MYOM3: variants seen among roughly 807,000 people sequenced by gnomAD.
MYOM3 encodes myomesin-3.
A neutral mutation model predicts 191.7 loss-of-function variants in MYOM3; 155 were observed. The observed-to-expected ratio is 0.81, with a 90% confidence interval of 0.71 to 0.92. The LOEUF (loss-of-function observed/expected upper bound fraction) is 0.92, where lower values mean the gene tolerates loss of function less well. MYOM3 is among the 40% of genes least tolerant of loss of function. The probability of loss-of-function intolerance (pLI) is 0.00; values close to 1 mark genes in which losing one functional copy is unlikely to be tolerated. For synonymous variants in MYOM3, 757 were observed against 762.9 expected, an observed-to-expected ratio of 0.99 and a Z score of 0.13; for missense variants, 1,889 against 1,890.6, an observed-to-expected ratio of 1.00 and a Z score of 0.02.
chr1:24,072,316 C>T (rs531096628), intron 23 of MYOM3, among the ~76,000 whole-genome samples: 15 of 152,294 alleles, frequency 9.8e-5, no homozygotes, highest in African/African-American at 3.1e-4. Context: ...GTGCCTGGTT[C>T]TGCATATACT....
At chr1:24,060,845 C>A (rs1440468234) in intron 35 of MYOM3, among the ~76,000 whole-genome samples, 1 of 152,158 alleles carries the variant, frequency 6.6e-6, no homozygotes, top group Admixed American at 6.5e-5. Flanking sequence ...CTGCGAGAAC[C>A]AGGCTCGCGC....
At chr1:24,097,239 C>G (rs559699761) in intron 7 of MYOM3, among the ~76,000 whole-genome samples, 3 of 152,158 alleles carry the variant, frequency 2.0e-5, no homozygotes. Context: ...TGGGGCCAGA[C>G]CACCCTCCCA....
Position 24,058,895 on chromosome 1 carries a change from G to C in MYOM3, c.4050+29C>G, listed in dbSNP as rs770655299. On this transcript the variant is annotated intron_variant, in intron 36 of 36. Coordinates refer to ENST00000374434, the MANE Select transcript of MYOM3 (RefSeq NM_152372.4). The stretch of plus-strand genomic sequence containing the variant: ...GCACGAAGGAACACAGAGGGGGACT[G>C]CTGGCTGTGGGCTGGGAAGGGTCAG... 5.0e-5 allele frequency: 78 copies of C among 1,559,872 alleles called. No homozygotes were observed. The East Asian group carries it at 1.8e-3, about 35-fold the overall frequency.
intron 25 of MYOM3, 90 bp downstream of exon 25, chr1:24,071,027 G>T: frequency 6.8e-7 from 1 of 1,469,632 alleles, no homozygotes; most frequent in Non-Finnish European, 9.3e-7. Flanking sequence ...GCCACTAGGG[G>T]GAAGTACCAG....
Position 24,068,364 on chromosome 1 carries a change from G to C in MYOM3, c.3154C>G (p.Arg1052Gly). 1 of 1,614,090 alleles carries C rather than the reference G, an allele frequency of 6.2e-7. No individual in the cohort carries two copies. The highest frequency in any genetic ancestry group is 1.1e-5 in the South Asian group (1 of 91,078). ...NNKEIFSSPN[R>G]KINFDREKGL... ...TTCTCTCGGTCAAAATTGATTTTGC[G>C]GTTCTGAAAAGGACAAACTCCAGAG... Residue 1052 changes from arginine (R) to glycine (G), a missense_variant, in exon 26 of 37, where the codon CGC (arginine) becomes GGC (glycine). Coordinates refer to ENST00000374434, the MANE Select transcript of MYOM3 (RefSeq NM_152372.4).
Position 24,062,001 on chromosome 1 carries a change from C to T in MYOM3, c.3879G>A (p.Leu1293=). 6.2e-7 allele frequency: 1 copy of T among 1,614,170 alleles called. No homozygotes were observed. Among genetic ancestry groups the T allele is most frequent in the Non-Finnish European group, 8.5e-7 (1 of 1,180,032 alleles). The part of the protein sequence containing the change: ...PKDSDKGKYT[L]EIAAGKEVRQ... ...GGACTTCCTTCCCTGCAGCTATTTC[C>T]AGAGTGTATTTGCCCTTGTCTGAGT... The change falls in exon 33 of 37, where the codon CTG becomes CTA. Residue 1293 remains leucine (L), a synonymous_variant. Transcript: ENST00000374434.
intron 7 of MYOM3, among the ~76,000 whole-genome samples, chr1:24,096,697 A>AGTGTGTGTATGAGTGCGC (rs925679670): frequency 6.6e-6 from 1 of 151,664 alleles, no homozygotes; most frequent in East Asian, 1.9e-4. Flanking sequence ...CTGCCTCAGG[A>AGTGTGTGTATGAGTGCGC]GTGTGTGTAT....
At chr1:24,060,237 G>A (rs567335193) in intron 35 of MYOM3, among the ~76,000 whole-genome samples, 5 of 152,206 alleles carry the variant, frequency 3.3e-5, no homozygotes, top group Non-Finnish European at 5.9e-5. Flanking sequence ...CCACCGAGGC[G>A]CCCCTCAGCC....
At chr1:24,092,731 G>T (rs549221131) in intron 10 of MYOM3, among the ~76,000 whole-genome samples, 157 of 152,268 alleles carry the variant, frequency 1.0e-3, no homozygotes, top group African/African-American at 3.7e-3. Context: ...CAGCCTCCCT[G>T]GCTCCAGCCA....
intron 32 of MYOM3, among the ~76,000 whole-genome samples, 165 bp downstream of exon 32, chr1:24,062,961 A>G (rs1198754376): frequency 6.6e-6 from 1 of 152,136 alleles, no homozygotes; most frequent in East Asian, 1.9e-4. Context: ...GGACAGCAAG[A>G]CCAGGAAGAG....
At chr1:24,065,619 A>G (rs1348480768) in intron 29 of MYOM3, among the ~76,000 whole-genome samples, 1 of 152,240 alleles carries the variant, frequency 6.6e-6, no homozygotes, top group Non-Finnish European at 1.5e-5. Flanking sequence ...ACTGGAGCTA[A>G]AGAAAAAAAT....
Position 24,074,151 on chromosome 1 carries a change from G to C in MYOM3, c.2968+9C>G, listed in dbSNP as rs1160665368. On this transcript the variant is annotated intron_variant, in intron 23 of 36. Transcript: ENST00000374434. ...GGGGAGGTGGCAGGGAGCGGGGTAGGTGCATTACCTTCCTCGGTTAGCGTG... is the reference window on the plus strand; with the variant it reads ...GGGGAGGTGGCAGGGAGCGGGGTAGCTGCATTACCTTCCTCGGTTAGCGTG... 5 of 1,605,568 alleles carry C rather than the reference G, an allele frequency of 3.1e-6. No homozygotes were observed. The South Asian group carries it at 5.5e-5, about 18-fold the overall frequency.
At chr1:24,108,331 C>T (rs1644004855) in intron 2 of MYOM3, 145 bp downstream of exon 2, 1 of 935,734 alleles carries the variant, frequency 1.1e-6, no homozygotes, top group South Asian at 1.8e-5. Flanking sequence ...ATTGTGTCTC[C>T]CCCCTCAGAC....
At chr1:24,081,781 C>G (rs1643672729) in intron 18 of MYOM3, 1 of 598,822 alleles carries the variant, frequency 1.7e-6, no homozygotes. Flanking sequence ...AGACTGGTCT[C>G]AAACTCCCAA....
intron 29 of MYOM3, among the ~76,000 whole-genome samples, chr1:24,065,366 G>C (rs901141038): frequency 1.3e-5 from 2 of 152,212 alleles, no homozygotes; most frequent in African/African-American, 4.8e-5. Flanking sequence ...TCTTAACCAG[G>C]CCACGGTCCA....
intron 25 of MYOM3, among the ~76,000 whole-genome samples, chr1:24,068,759 C>T (rs76610134): frequency 0.046 from 7,027 of 151,860 alleles, 566 homozygotes; most frequent in African/African-American, 0.16. Context: ...AGTCTCGCTC[C>T]ATCACCCAGG....
In MYOM3 at chr1:24,066,009, A is replaced by G; in HGVS notation, c.3424-8T>C. On this transcript the variant is annotated splice_polypyrimidine_tract_variant and splice_region_variant and intron_variant, in intron 28 of 36. Transcript: ENST00000374434. ...CTTCTTGGTGTTGGTCACCTGGGGAAGGTGGGGAATGAGGAGACTCTGTCA... is the reference window on the plus strand; with the variant it reads ...CTTCTTGGTGTTGGTCACCTGGGGAGGGTGGGGAATGAGGAGACTCTGTCA... 2.5e-6 allele frequency: 4 copies of G among 1,586,584 alleles called. No individual in the cohort carries two copies. Among genetic ancestry groups the G allele is most frequent in the Non-Finnish European group, 3.5e-6 (4 of 1,154,762 alleles).
At chr1:24,101,599 A>C (rs1643934972) in intron 5 of MYOM3, among the ~76,000 whole-genome samples, 1 of 152,078 alleles carries the variant, frequency 6.6e-6, no homozygotes, top group Non-Finnish European at 1.5e-5. Flanking sequence ...ATTCTTTAAA[A>C]TAATTAGCTG....
chr1:24,099,875 T>G (rs1276571918), intron 5 of MYOM3, 100 bp from the exon 6 acceptor site: 4 of 884,688 alleles, frequency 4.5e-6, no homozygotes, highest in Non-Finnish European at 7.3e-6. Flanking sequence ...TTTGTTTTGT[T>G]TTGTTTTTTT....
Sources: allele counts gnomAD v4.1 joint callset (sites outside exome capture counted in the v4.1 genomes callset), GRCh38; gene constraint gnomAD v4.1.1; transcripts MANE v1.5; gene names NCBI Gene and HGNC (gene_info 2026-07-23, HGNC 2026-07-21).